Variants in TMED10 observed in about 807,000 individuals in gnomAD.
The protein encoded by TMED10 is transmembrane emp24 domain-containing protein 10.
TMED10 carries 7 observed loss-of-function variants against 23.1 expected under a neutral mutation model. The observed-to-expected ratio is 0.30, with a 90% CI of 0.17 to 0.57. TMED10 has a LOEUF of 0.57. TMED10 is among the 20% of genes least tolerant of loss of function. The probability of loss-of-function intolerance (pLI) is 0.91; values close to 1 mark genes in which losing one functional copy is unlikely to be tolerated. For missense variants in TMED10, 162 were observed against 274.8 expected (o/e 0.59, Z 2.90); for synonymous variants, 113 against 106.9 (o/e 1.06, Z -0.35).
intron 1 of TMED10, among the ~76,000 whole-genome samples, chr14:75,158,008 C>CGAG (rs1310507444): frequency 3.3e-5 from 5 of 152,094 alleles, no homozygotes; most frequent in African/African-American, 1.2e-4. Flanking sequence ...AAAACCCACT[C>CGAG]TCTTTCTGCA....
At chr14:75,161,646 A>G (rs951054099) in intron 1 of TMED10, among the ~76,000 whole-genome samples, 1 of 152,136 alleles carries the variant, frequency 6.6e-6, no homozygotes, top group African/African-American at 2.4e-5. Flanking sequence ...GACCCTCCCT[A>G]ACAATGAATG....
At chr14:75,147,763 T>C in intron 2 of TMED10, 26 bp from the exon 3 acceptor site, 5 of 1,613,432 alleles carry the variant, frequency 3.1e-6, no homozygotes, top group Non-Finnish European at 4.2e-6. Context: ...AAGGAATCAT[T>C]GTGTGAAATA....
intron 3 of TMED10, among the ~76,000 whole-genome samples, chr14:75,138,125 A>C (rs1236669173): frequency 6.6e-6 from 1 of 152,136 alleles, no homozygotes; most frequent in African/African-American, 2.4e-5. Context: ...TTCTTTGTGA[A>C]ATGTTAACAG....
At chr14:75,164,592 T>TTAGAAGAGGCGGGGTTTTGTCA (rs1896137636) in intron 1 of TMED10, among the ~76,000 whole-genome samples, 1 of 101,772 alleles carries the variant, frequency 9.8e-6, no homozygotes, top group Non-Finnish European at 2.0e-5. Flanking sequence ...TTTTTTTTTT[T>TTAGAAGAGGCGGGGTTTTGTCA]TTGTATTTTT....
Position 75,176,464 on chromosome 14 carries a change from T to C in TMED10, c.116A>G (p.Asn39Ser). The C allele has an allele frequency of 6.2e-7, 1 of 1,613,746 alleles. No individual in the cohort carries two copies. The highest frequency in any genetic ancestry group is 8.5e-7 in the Non-Finnish European group (1 of 1,179,918). ...CTCCTCACGGAGGCACTTGCGAGAG[T>C]TAATGGGCAGATGGAAGGAGATGGC... ...VLAISFHLPI[N>S]SRKCLREEIH... The change falls in exon 1 of 5, where the codon AAC (asparagine) becomes AGC (serine). Residue 39 changes from asparagine to serine, a missense_variant. Physicochemically the swap from Asn to Ser is conservative, Grantham distance 46. This residue lies in a region of TMED10 where 126 missense variants were observed against 239.5 expected (regional missense o/e 0.53). Coordinates refer to ENST00000303575, the MANE Select transcript of TMED10 (RefSeq NM_006827.6).
chr14:75,165,260 C>T (rs369421530), intron 1 of TMED10, among the ~76,000 whole-genome samples: 57 of 152,160 alleles, frequency 3.7e-4, no homozygotes, highest in African/African-American at 1.3e-3. Context: ...GACAGTCTCA[C>T]GCTGTTGCCC....
At chr14:75,164,577 A>ATATATATTTTTTT (rs1566675301) in intron 1 of TMED10, among the ~76,000 whole-genome samples, 1 of 45,090 alleles carries the variant, frequency 2.2e-5, no homozygotes, top group Non-Finnish European at 3.5e-5. Flanking sequence ...ATATATATAT[A>ATATATATTTTTTT]TTTTTTTTTT....
At chr14:75,153,904 G>C (rs1895986902) in intron 1 of TMED10, among the ~76,000 whole-genome samples, 1 of 150,752 alleles carries the variant, frequency 6.6e-6, no homozygotes, top group Non-Finnish European at 1.5e-5. Context: ...CGAGTAGCTG[G>C]AACTACAGGC....
chr14:75,151,633 T>C (rs181274494), intron 2 of TMED10, among the ~76,000 whole-genome samples: 1 of 152,290 alleles, frequency 6.6e-6, no homozygotes, highest in African/African-American at 2.4e-5. Context: ...GCCTCCCCCA[T>C]TATCACCATT....
At chr14:75,138,307 A>G (rs1396998648) in intron 3 of TMED10, among the ~76,000 whole-genome samples, 1 of 152,248 alleles carries the variant, frequency 6.6e-6, no homozygotes, top group African/African-American at 2.4e-5. Flanking sequence ...TAGACTTGCG[A>G]TGATACACCT....
At chr14:75,138,827 T>A (rs56058233) in intron 3 of TMED10, among the ~76,000 whole-genome samples, 2 of 150,320 alleles carry the variant, frequency 1.3e-5, no homozygotes, top group African/African-American at 4.9e-5. Flanking sequence ...TTTTTTTTTT[T>A]TTTTTATTTT....
intron 2 of TMED10, 140 bp from the exon 3 acceptor site, chr14:75,147,877 T>C (rs932750422): frequency 4.7e-5 from 34 of 724,936 alleles, no homozygotes; most frequent in Admixed American, 1.3e-4. Context: ...CCCTGCTCAG[T>C]TGCAGAAAAT....
chr14:75,145,786 C>CAATA (rs994371666), intron 3 of TMED10, among the ~76,000 whole-genome samples: 14 of 152,038 alleles, frequency 9.2e-5, no homozygotes, highest in African/African-American at 1.2e-4. Flanking sequence ...GACTCCATCT[C>CAATA]AATAAATAAA....
chr14:75,132,764 G>C lies in TMED10; in HGVS notation c.*2121C>G, dbSNP rs1438481200. ...GTACTTTATCCAGGTCAACACATCAGGGTTCTCTAACGATTCCAGTATTCT... is the reference window on the plus strand; with the variant it reads ...GTACTTTATCCAGGTCAACACATCACGGTTCTCTAACGATTCCAGTATTCT... On this transcript the variant is annotated 3_prime_UTR_variant, in exon 5 of 5. Transcript: ENST00000303575. The C allele has an allele frequency of 6.6e-6, 1 of 152,424 alleles. No individual in the cohort carries two copies. The highest frequency in any genetic ancestry group is 1.9e-4 in the East Asian group (1 of 5,192). The allele number at this position is 152,424 out of a possible 1,614,324, so 9.4% of individuals were successfully genotyped here. A position where few individuals can be genotyped will look rare whatever the true frequency, so the allele number is the denominator to read the frequency against.
intron 1 of TMED10, chr14:75,176,037 T>C: frequency 2.5e-6 from 1 of 404,084 alleles, no homozygotes. Context: ...CCAACATTTA[T>C]TTGGAGAACC....
At chr14:75,153,602 G>A (rs1452323027) in intron 1 of TMED10, among the ~76,000 whole-genome samples, 2 of 152,168 alleles carry the variant, frequency 1.3e-5, no homozygotes, top group African/African-American at 2.4e-5. Context: ...GAACACAAAA[G>A]TAGTGGCTTA....
chr14:75,142,816 G>A (rs993827275), intron 3 of TMED10, among the ~76,000 whole-genome samples: 2 of 151,942 alleles, frequency 1.3e-5, no homozygotes, highest in Admixed American at 1.3e-4. Context: ...TGAAGCAAGT[G>A]TTTCTTGTAT....
intron 3 of TMED10, among the ~76,000 whole-genome samples, chr14:75,138,148 G>A (rs1030315017): frequency 1.3e-5 from 2 of 152,152 alleles, no homozygotes; most frequent in African/African-American, 2.4e-5. Context: ...GTTAACAAGG[G>A]ATGAATAGGA....
chr14:75,146,096 T>G (rs1895880440), intron 3 of TMED10, among the ~76,000 whole-genome samples: 1 of 152,152 alleles, frequency 6.6e-6, no homozygotes, highest in African/African-American at 2.4e-5. Context: ...AATAAAGAGG[T>G]CTTCTTGTTT....
Sources: gnomAD v4.1 joint callset for allele counts (sites outside exome capture counted in the v4.1 genomes callset) on GRCh38, gnomAD v4.1.1 for gene constraint, gnomAD v4.1.1 regional missense constraint, MANE v1.5 for transcripts, NCBI Gene and HGNC (gene_info 2026-07-23, HGNC 2026-07-21) for gene names.